CALCRL: variants seen among roughly 807,000 people sequenced by gnomAD.
The protein encoded by CALCRL is calcitonin gene-related peptide type 1 receptor.
A neutral mutation model predicts 60.4 loss-of-function variants in CALCRL; 27 were observed. The observed-to-expected ratio is 0.45, with a 90% CI of 0.33 to 0.62. The LOEUF is 0.62. Ranked by LOEUF, CALCRL falls within the 20% of genes least tolerant of loss-of-function variation. CALCRL has a pLI of 0.03. For synonymous variants in CALCRL, 190 were observed against 182.6 expected (o/e 1.04, Z -0.33); for missense variants, 424 against 540.7 (o/e 0.78, Z 2.14).
chr2:187,346,144 A>G lies in CALCRL; in HGVS notation c.*40T>C. ...AGTCATGGGTCCAAGTCCTTGAGTT[A>G]GGAGAAGCACAAAACAGTGAGACAA... On this transcript the variant is annotated 3_prime_UTR_variant, in exon 15 of 15. Transcript: ENST00000392370. 7.5e-7 allele frequency: 1 copy of G among 1,327,582 alleles called. No homozygotes were observed. The highest frequency in any genetic ancestry group is 1.1e-6 in the Non-Finnish European group (1 of 944,296). 82.2% of individuals were successfully genotyped at this position (1,327,582 alleles called of 1,614,324 possible). A position where few individuals can be genotyped will look rare whatever the true frequency, so the allele number is the denominator to read the frequency against.
intron 8 of CALCRL, among the ~76,000 whole-genome samples, chr2:187,368,675 T>C (rs1687397611): frequency 6.6e-6 from 1 of 152,112 alleles, no homozygotes; most frequent in Non-Finnish European, 1.5e-5. Context: ...ATACTAATTA[T>C]GAGCAAAATG....
chr2:187,411,994 A>AG (rs1458602331), intron 1 of CALCRL, among the ~76,000 whole-genome samples: 1 of 151,356 alleles, frequency 6.6e-6, no homozygotes, highest in African/African-American at 2.4e-5. Context: ...AAAAAAAAAA[A>AG]AAAAAAAGAA....
At chr2:187,429,172 C>G (rs574792659) in intron 1 of CALCRL, among the ~76,000 whole-genome samples, 105 of 151,842 alleles carry the variant, frequency 6.9e-4, no homozygotes, top group African/African-American at 2.4e-3. Flanking sequence ...GAGACATTTC[C>G]CTTTATATTT....
intron 5 of CALCRL, 129 bp downstream of exon 5, chr2:187,383,044 A>G: frequency 1.2e-6 from 1 of 846,314 alleles, no homozygotes; most frequent in Non-Finnish European, 1.8e-6. Flanking sequence ...CATAATTAAA[A>G]CTGCACATAT....
chr2:187,371,290 A>G (rs536080201), intron 8 of CALCRL, among the ~76,000 whole-genome samples: 229 of 152,128 alleles, frequency 1.5e-3, no homozygotes, highest in African/African-American at 5.4e-3. Flanking sequence ...AGCCTGGGAT[A>G]CAGACCGCAG....
chr2:187,447,167 C>A (rs935604525), intron 1 of CALCRL, among the ~76,000 whole-genome samples: 3 of 151,896 alleles, frequency 2.0e-5, no homozygotes, highest in African/African-American at 7.2e-5. Context: ...CCTGGAAATT[C>A]TTTTTTAATA....
At chr2:187,417,272 C>A (rs1206639647) in intron 1 of CALCRL, among the ~76,000 whole-genome samples, 1 of 151,614 alleles carries the variant, frequency 6.6e-6, no homozygotes, top group African/African-American at 2.4e-5. Context: ...AAACAAAAAA[C>A]AAGCAAACAA....
chr2:187,384,669 T>A (rs1688135288), intron 4 of CALCRL, among the ~76,000 whole-genome samples: 1 of 152,128 alleles, frequency 6.6e-6, no homozygotes, highest in South Asian at 2.1e-4. Flanking sequence ...TGTAGTCTTG[T>A]TTTTTTGTTT....
chr2:187,351,862 G>A (rs1686547944), intron 14 of CALCRL, 58 bp downstream of exon 14: 6 of 1,040,392 alleles, frequency 5.8e-6, no homozygotes, highest in Non-Finnish European at 7.2e-6. Context: ...TAAATACATG[G>A]ATAGATAGAC....
At chr2:187,405,384 A>G (rs1375949832) in intron 1 of CALCRL, among the ~76,000 whole-genome samples, 2 of 152,000 alleles carry the variant, frequency 1.3e-5, no homozygotes, top group Non-Finnish European at 1.5e-5. Context: ...CTGTCTCCAA[A>G]ATCACTTGTT....
At chr2:187,362,525 C>T (rs1433141548) in intron 9 of CALCRL, among the ~76,000 whole-genome samples, 3 of 151,986 alleles carry the variant, frequency 2.0e-5, no homozygotes, top group African/African-American at 7.2e-5. Flanking sequence ...TCTTTCCCTT[C>T]CTGATTTCAG....
intron 2 of CALCRL, 66 bp from the exon 3 acceptor site, chr2:187,387,559 A>G (rs531463225): frequency 6.0e-4 from 224 of 370,488 alleles, no homozygotes; most frequent in Non-Finnish European, 9.5e-4. Context: ...TAGTGTTGTT[A>G]TAGACAGAAA....
Position 187,345,957 on chromosome 2 carries a change from G to A in CALCRL, c.*227C>T, listed in dbSNP as rs1447506960. 5 of 404,600 alleles carry A rather than the reference G, an allele frequency of 1.2e-5. No individual in the cohort carries two copies. The highest frequency in any genetic ancestry group is 1.8e-5 in the Non-Finnish European group (4 of 226,374). The allele number at this position is 404,600 out of a possible 1,614,324, so 25.1% of individuals were successfully genotyped here. A position where few individuals can be genotyped will look rare whatever the true frequency, so the allele number is the denominator to read the frequency against. On this transcript the variant is annotated 3_prime_UTR_variant, in exon 15 of 15. Coordinates refer to ENST00000392370, the MANE Select transcript of CALCRL (RefSeq NM_005795.6). The stretch of plus-strand genomic sequence containing the variant: ...TGTCAGGTTAGTAGCGTCACATCAG[G>A]CATAGTGGGAGTATTTACTGACAAA...
At chr2:187,375,465 A>G (rs1687716394) in intron 8 of CALCRL, among the ~76,000 whole-genome samples, 1 of 152,080 alleles carries the variant, frequency 6.6e-6, no homozygotes, top group African/African-American at 2.4e-5. Flanking sequence ...TTTTTCTTTT[A>G]TGTAGAGGTC....
At chr2:187,405,132 T>C (rs1689061091) in intron 1 of CALCRL, among the ~76,000 whole-genome samples, 1 of 151,968 alleles carries the variant, frequency 6.6e-6, no homozygotes, top group Admixed American at 6.6e-5. Context: ...CCCACACAAT[T>C]CCATATCACA....
chr2:187,417,814 T>A (rs962477975), intron 1 of CALCRL, among the ~76,000 whole-genome samples: 4 of 152,182 alleles, frequency 2.6e-5, no homozygotes, highest in Non-Finnish European at 5.9e-5. Flanking sequence ...TGATAAAAGT[T>A]AATTTAAAGG....
chr2:187,430,927 A>G (rs985545430), intron 1 of CALCRL, among the ~76,000 whole-genome samples: 8 of 152,078 alleles, frequency 5.3e-5, no homozygotes, highest in African/African-American at 1.9e-4. Flanking sequence ...TACAGTATAT[A>G]TACATATAAT....
In CALCRL at chr2:187,346,276, A is replaced by T; in HGVS notation, c.1294T>A (p.Tyr432Asn). ...TVSTISDGPG[Y>N]SHDCPSEHLN... Reference sequence around the variant, plus strand: ...TGTTCACTAGGACAGTCATGACTATAACCTGGACCATCACTGATTGTTGAC... The same window carrying T: ...TGTTCACTAGGACAGTCATGACTATTACCTGGACCATCACTGATTGTTGAC... Residue 432 changes from tyrosine to asparagine, a missense_variant, in exon 15 of 15, where the codon TAT (tyrosine) becomes AAT (asparagine). By Grantham distance (143) the Tyr-to-Asn change is moderately radical. Around this residue, in one of 7 missense-constraint regions of CALCRL, gnomAD observed 222 missense variants for 265.6 expected, o/e 0.84. Coordinates refer to ENST00000392370, the MANE Select transcript of CALCRL (RefSeq NM_005795.6). 6.2e-7 allele frequency: 1 copy of T among 1,612,386 alleles called. No individual in the cohort carries two copies. The highest frequency in any genetic ancestry group is 8.5e-7 in the Non-Finnish European group (1 of 1,178,896).
chr2:187,364,842 G>C (rs1687208134), intron 8 of CALCRL, among the ~76,000 whole-genome samples: 1 of 152,120 alleles, frequency 6.6e-6, no homozygotes, highest in Non-Finnish European at 1.5e-5. Flanking sequence ...TGGGCAAGAT[G>C]GCTCTTGGAA....
Sources: gnomAD v4.1 joint callset for allele counts (sites outside exome capture counted in the v4.1 genomes callset) on GRCh38, gnomAD v4.1.1 for gene constraint, gnomAD v4.1.1 regional missense constraint, MANE v1.5 for transcripts, NCBI Gene and HGNC (gene_info 2026-07-23, HGNC 2026-07-21) for gene names.